The following LRRK2 variants were observed in gnomAD, a reference collection of about 807,000 sequenced individuals.
The protein encoded by LRRK2 is leucine-rich repeat serine/threonine-protein kinase 2.
LRRK2 carries 203 observed loss-of-function variants against 302.6 expected under a neutral mutation model. The ratio of observed to expected loss-of-function variants is 0.67; its 90% CI spans 0.60 to 0.75. LRRK2 has a LOEUF of 0.75. LRRK2 is among the 30% of genes least tolerant of loss of function. LRRK2 has a pLI of 0.00. For synonymous variants in LRRK2, 1,066 were observed against 1,031.9 expected (o/e 1.03, Z -0.63); for missense variants, 2,830 against 2,951.0 (o/e 0.96, Z 0.95).
chr12:40,249,267 A>G (rs1942147901), intron 7 of LRRK2, among the ~76,000 whole-genome samples: 1 of 152,004 alleles, frequency 6.6e-6, no homozygotes, highest in South Asian at 2.1e-4. Context: ...AAGAGTGGGT[A>G]TAAAAAGGTA....
chr12:40,231,576 C>CAAAAAAAAAAAAAAAAAAAAA (rs71078231), intron 2 of LRRK2, among the ~76,000 whole-genome samples: 3 of 105,872 alleles, frequency 2.8e-5, no homozygotes, highest in Non-Finnish European at 5.4e-5. Flanking sequence ...AAAACAAAAC[C>CAAAAAAAAAAAAAAAAAAAAA]AAAAAAAAAA....
At chr12:40,347,966 A>C (rs1251114482) in intron 42 of LRRK2, among the ~76,000 whole-genome samples, 1 of 151,462 alleles carries the variant, frequency 6.6e-6, no homozygotes, top group African/African-American at 2.4e-5. Flanking sequence ...TAAAAAAAAA[A>C]ATTCAGTTCT....
At chr12:40,312,067 C>G (rs971250587) in intron 31 of LRRK2, among the ~76,000 whole-genome samples, 1 of 151,596 alleles carries the variant, frequency 6.6e-6, no homozygotes, top group East Asian at 1.9e-4. Flanking sequence ...TGTATCATAT[C>G]TTTAAAAAGA....
At chr12:40,328,527 CAT>C in intron 39 of LRRK2, 67 bp downstream of exon 39, 1 of 1,242,278 alleles carries the variant, frequency 8.0e-7, no homozygotes, top group Non-Finnish European at 1.1e-6. Flanking sequence ...TCTTATTTTG[CAT>C]ACAGTTGTGA....
chr12:40,296,775 T>C (rs1180376593), intron 23 of LRRK2, among the ~76,000 whole-genome samples: 3 of 152,178 alleles, frequency 2.0e-5, no homozygotes, highest in African/African-American at 7.2e-5. Context: ...TTTTTATATC[T>C]GGAGACAGAG....
intron 38 of LRRK2, among the ~76,000 whole-genome samples, chr12:40,327,339 A>AT (rs1427655673): frequency 6.6e-6 from 1 of 152,334 alleles, no homozygotes; most frequent in African/African-American, 2.4e-5. Flanking sequence ...TTACCTGCTC[A>AT]TTACTAATTC....
chr12:40,263,922 C>T (rs910273309), intron 14 of LRRK2, 21 bp downstream of exon 14: 2 of 1,520,654 alleles, frequency 1.3e-6, no homozygotes, highest in Non-Finnish European at 1.8e-6. Context: ...TATAAGTTTT[C>T]TGTATTTATA....
intron 38 of LRRK2, among the ~76,000 whole-genome samples, chr12:40,324,284 GATGTTTTGATAT>G (rs1945484771): frequency 6.6e-6 from 1 of 152,096 alleles, no homozygotes. Context: ...TGTACAACAT[GATGTTTTGATAT>G]ATGTATATGT....
chr12:40,334,417 C>CA (rs1945806588), intron 39 of LRRK2, among the ~76,000 whole-genome samples: 1 of 152,106 alleles, frequency 6.6e-6, no homozygotes, highest in Non-Finnish European at 1.5e-5. Flanking sequence ...TTGACCTCCC[C>CA]AAAAAACTGA....
chr12:40,345,843 A>G (rs1370443235), intron 41 of LRRK2, among the ~76,000 whole-genome samples: 1 of 152,158 alleles, frequency 6.6e-6, no homozygotes, highest in Non-Finnish European at 1.5e-5. Context: ...GTTTACTTAC[A>G]TAATCATAAT....
At chr12:40,363,064 A>G (rs1946762220) in intron 47 of LRRK2, among the ~76,000 whole-genome samples, 1 of 152,080 alleles carries the variant, frequency 6.6e-6, no homozygotes, top group South Asian at 2.1e-4. Flanking sequence ...TTACAGATAT[A>G]ATATTTCCTT....
rs549125343 is a variant in LRRK2, at chr12:40,347,661, A to G, written c.6280+738A>G. The stretch of plus-strand genomic sequence containing the variant: ...ATTTCCCTTATTTTACTAGTTTTCT[A>G]GTGAAAATATTCAGGTCTCTGCTGG... On this transcript the variant is annotated intron_variant, in intron 42 of 50. Transcript: ENST00000298910. Among the ~76,000 whole-genome samples the G allele has an allele frequency of 3.9e-5, 6 of 152,318 alleles. No homozygotes were observed. The South Asian group carries it at 8.3e-4, about 21-fold the overall frequency.
intron 40 of LRRK2, among the ~76,000 whole-genome samples, chr12:40,337,769 A>G (rs1945918292): frequency 6.6e-6 from 1 of 152,198 alleles, no homozygotes; most frequent in Non-Finnish European, 1.5e-5. Context: ...GCATAGCATC[A>G]AAGATCTTTC....
At chr12:40,260,665 A>G (rs555835778) in intron 13 of LRRK2, among the ~76,000 whole-genome samples, 7 of 152,242 alleles carry the variant, frequency 4.6e-5, no homozygotes, top group Admixed American at 3.9e-4. Flanking sequence ...GCAACTAAAG[A>G]CAATAGCATT....
In LRRK2 at chr12:40,323,210, C is replaced by T. The variant is rs1945451556; in HGVS notation, c.5560C>T (p.Gln1854Ter). ...DQPRLTIPIS[Q>*]IAPDLILADL... ...ACCAAGGCTCACCATTCCAATATCT[C>T]AGATTGCCCCTGACTTGATTTTGGC... Residue 1854 changes from glutamine to a stop codon, truncating the protein, a stop_gained, in exon 38 of 51, where the codon CAG becomes TAG. Coordinates refer to ENST00000298910, the MANE Select transcript of LRRK2 (RefSeq NM_198578.4). LOFTEE classifies it high-confidence loss of function. 1 of 1,613,148 alleles carries T rather than the reference C, an allele frequency of 6.2e-7. No homozygotes were observed. Among genetic ancestry groups the T allele is most frequent in the African/African-American group, 1.3e-5 (1 of 74,980 alleles).
chr12:40,240,654 T>G (rs761838929), intron 6 of LRRK2, 37 bp downstream of exon 6: 5 of 1,584,426 alleles, frequency 3.2e-6, no homozygotes, highest in Non-Finnish European at 4.3e-6. Context: ...TTTTTGTATC[T>G]GAAAAATTAC....
intron 5 of LRRK2, 100 bp from the exon 6 acceptor site, chr12:40,240,383 G>C (rs1414722146): frequency 1.9e-6 from 2 of 1,049,996 alleles, no homozygotes; most frequent in African/African-American, 1.6e-5. Context: ...GATTACACTT[G>C]ATGTATCTCA....
intron 33 of LRRK2, among the ~76,000 whole-genome samples, chr12:40,316,998 T>G (rs1565745514): frequency 6.6e-6 from 1 of 152,014 alleles, no homozygotes; most frequent in Non-Finnish European, 1.5e-5. Context: ...TGCACACATG[T>G]GAACATTAGG....
chr12:40,332,107 AGGGCAATGCTTT>A (rs1945729107), intron 39 of LRRK2, among the ~76,000 whole-genome samples: 1 of 152,222 alleles, frequency 6.6e-6, no homozygotes, highest in African/African-American at 2.4e-5. Context: ...CACTATGTTC[AGGGCAATGCTTT>A]GTGCTAATTG....
Sources: allele counts gnomAD v4.1 joint callset (sites outside exome capture counted in the v4.1 genomes callset), GRCh38; gene constraint gnomAD v4.1.1; transcripts MANE v1.5; gene names NCBI Gene and HGNC (gene_info 2026-07-23, HGNC 2026-07-21).